NAV2: variants seen among roughly 807,000 people sequenced by gnomAD.
The protein encoded by NAV2 is helicase, APC down-regulated 1.
In NAV2, 54 loss-of-function variants were observed where a neutral mutation model predicts 223.2. The ratio of observed to expected loss-of-function variants is 0.24; its 90% CI spans 0.19 to 0.30. The LOEUF (loss-of-function observed/expected upper bound fraction) is 0.30, where lower values mean the gene tolerates loss of function less well. NAV2 is among the 10% of genes least tolerant of loss of function. The probability of loss-of-function intolerance (pLI) is 1.00; values close to 1 mark genes in which losing one functional copy is unlikely to be tolerated. For missense variants in NAV2, 2,806 were observed against 3,147.5 expected (o/e 0.89, Z 2.60); for synonymous variants, 1,279 against 1,239.3 (o/e 1.03, Z -0.67).
At chr11:19,642,342 G>A (rs538695545) in intron 1 of NAV2, among the ~76,000 whole-genome samples, 1 of 152,314 alleles carries the variant, frequency 6.6e-6, no homozygotes, top group South Asian at 2.1e-4. Context: ...GCTCAGTACA[G>A]TGTTAGGAAA....
chr11:19,457,684 G>T (rs1852002516), intron 1 of NAV2, among the ~76,000 whole-genome samples: 2 of 152,268 alleles, frequency 1.3e-5, no homozygotes, highest in South Asian at 4.1e-4. Flanking sequence ...AGAACAGGAA[G>T]GCCAGTCATC....
chr11:19,974,090 GTTAC>G (rs1353414641), intron 10 of NAV2, among the ~76,000 whole-genome samples: 1 of 152,244 alleles, frequency 6.6e-6, no homozygotes, highest in Non-Finnish European at 1.5e-5. Context: ...GCCAAGAGTA[GTTAC>G]TAAGAGGATC....
At chr11:20,082,097 G>A (rs2060129180) in intron 25 of NAV2, among the ~76,000 whole-genome samples, 1 of 152,120 alleles carries the variant, frequency 6.6e-6, no homozygotes. Flanking sequence ...CAAGTGACAT[G>A]GCTAATTTGC....
At chr11:20,094,834 A>T (rs1164589886) in intron 29 of NAV2, among the ~76,000 whole-genome samples, 2 of 152,138 alleles carry the variant, frequency 1.3e-5, no homozygotes, top group Non-Finnish European at 2.9e-5. Flanking sequence ...CTTAGCCGCC[A>T]TATGACACCT....
chr11:20,106,557 A>G (rs761141713), intron 35 of NAV2, among the ~76,000 whole-genome samples: 8,248 of 139,522 alleles, frequency 0.059, 278 homozygotes, highest in Non-Finnish European at 0.077. Flanking sequence ...GAGACTCCAA[A>G]AAAAAAAAAA....
intron 1 of NAV2, among the ~76,000 whole-genome samples, chr11:19,617,881 C>T (rs1317858240): frequency 6.6e-6 from 1 of 152,160 alleles, no homozygotes; most frequent in Non-Finnish European, 1.5e-5. Flanking sequence ...TGGCACACAC[C>T]CACTTCAGGG....
chr11:20,097,630 C>T lies in NAV2; in HGVS notation c.6066C>T (p.Ser2022=), dbSNP rs749124031. 5 of 1,612,850 alleles carry T rather than the reference C, an allele frequency of 3.1e-6. No individual in the cohort carries two copies. Among genetic ancestry groups the T allele is most frequent in the African/African-American group, 1.3e-5 (1 of 74,880 alleles). ...PVSQLGLNSD[S]VLGYSIGEIK... ...GTCAGCTAGGGCTGAATTCAGACAG[C>T]GTTCTTGGCTACAGCATTGGAGAAA... Residue 2022 remains serine, a synonymous_variant, in exon 31 of 38, where the codon AGC becomes AGT. Coordinates refer to ENST00000349880, the MANE Select transcript of NAV2 (RefSeq NM_145117.5).
chr11:20,053,290 G>A (rs2058144303), intron 17 of NAV2, among the ~76,000 whole-genome samples: 1 of 147,862 alleles, frequency 6.8e-6, no homozygotes, highest in East Asian at 2.0e-4. Flanking sequence ...AAAAGAACAT[G>A]CATTTTAAAA....
intron 1 of NAV2, among the ~76,000 whole-genome samples, chr11:19,662,016 G>T (rs60815041): frequency 0.037 from 5,557 of 152,222 alleles, 312 homozygotes; most frequent in African/African-American, 0.12. Context: ...GAAAAGTGCT[G>T]GGTTTGATTA....
At chr11:19,826,212 T>G (rs1402779021) in intron 1 of NAV2, among the ~76,000 whole-genome samples, 1 of 152,202 alleles carries the variant, frequency 6.6e-6, no homozygotes, top group East Asian at 1.9e-4. Context: ...CTACTGAAAC[T>G]TCACAGCTAT....
intron 2 of NAV2, among the ~76,000 whole-genome samples, chr11:19,839,958 C>A (rs2060422508): frequency 1.3e-5 from 2 of 152,314 alleles, no homozygotes; most frequent in African/African-American, 2.4e-5. Context: ...CAGCCAAAGA[C>A]CCCCTGCCCT....
chr11:20,081,645 A>G (rs2060099401), intron 25 of NAV2, among the ~76,000 whole-genome samples: 1 of 152,160 alleles, frequency 6.6e-6, no homozygotes, highest in African/African-American at 2.4e-5. Flanking sequence ...GAGGTAGGAA[A>G]TGGGAGAGAA....
Position 20,114,783 on chromosome 11 carries a change from AGGTGACCCGCT to A in NAV2, c.7158_7164+4del. 6.2e-7 allele frequency: 1 copy of A among 1,613,390 alleles called. No homozygotes were observed. The highest frequency in any genetic ancestry group is 8.5e-7 in the Non-Finnish European group (1 of 1,179,780). ...AGCAGATGCCCCCCAGTGATGCTGA[AGGTGACCCGCT>A]GGTGAGTCCTCAGCCACCAGAGCAG... On this transcript the variant is annotated frameshift_variant and splice_region_variant, in exon 37 of 38. Coordinates refer to ENST00000349880, the MANE Select transcript of NAV2 (RefSeq NM_145117.5). LOFTEE classifies it high-confidence loss of function.
intron 29 of NAV2, among the ~76,000 whole-genome samples, chr11:20,093,705 T>C (rs1318601050): frequency 6.6e-6 from 1 of 152,078 alleles, no homozygotes; most frequent in Non-Finnish European, 1.5e-5. Flanking sequence ...TAGTGGGGCG[T>C]CCTGACTCCC....
chr11:19,552,362 T>G (rs564647199), intron 1 of NAV2, among the ~76,000 whole-genome samples: 1 of 152,234 alleles, frequency 6.6e-6, no homozygotes, highest in African/African-American at 2.4e-5. Flanking sequence ...GCCTCCCCAC[T>G]CTGCCTCTCT....
rs372249576 is a variant in NAV2 at position 19,638,497 on chromosome 11, A to G, written c.76-193987A>G. Reference sequence around the variant, plus strand: ...CCATGTGATTTGGACTGACAATACTAACACTATCTAACAGTTGTTGAATTT... The same window carrying G: ...CCATGTGATTTGGACTGACAATACTGACACTATCTAACAGTTGTTGAATTT... On this transcript the variant is annotated intron_variant, in intron 1 of 37. Coordinates refer to the NAV2 transcript ENST00000360655. Among the ~76,000 whole-genome samples the G allele has an allele frequency of 3.9e-5, 6 of 152,332 alleles. No individual in the cohort carries two copies. The East Asian group carries it at 7.7e-4, about 20-fold the overall frequency.
At chr11:19,777,140 C>T (rs1390491553) in intron 1 of NAV2, among the ~76,000 whole-genome samples, 1 of 150,608 alleles carries the variant, frequency 6.6e-6, no homozygotes, top group African/African-American at 2.4e-5. Flanking sequence ...CAGCGGCCTC[C>T]GCGCTGCGAG....
chr11:19,779,802 A>G (rs977152296), intron 1 of NAV2, among the ~76,000 whole-genome samples: 8 of 152,190 alleles, frequency 5.3e-5, no homozygotes, highest in Admixed American at 2.0e-4. Context: ...TGTTGGGTGA[A>G]TGGTTGGTTC....
At chr11:19,727,165 G>C (rs2051324772) in intron 1 of NAV2, among the ~76,000 whole-genome samples, 1 of 152,210 alleles carries the variant, frequency 6.6e-6, no homozygotes, top group African/African-American at 2.4e-5. Flanking sequence ...AGAGGGAAGG[G>C]AAACCCAGTC....
Sources: gnomAD v4.1 joint callset for allele counts (sites outside exome capture counted in the v4.1 genomes callset) on GRCh38, gnomAD v4.1.1 for gene constraint, MANE v1.5 for transcripts, NCBI Gene and HGNC (gene_info 2026-07-23, HGNC 2026-07-21) for gene names.